Variants in ARHGEF38 observed in about 807,000 individuals in gnomAD.
ARHGEF38 encodes the protein Rho guanine nucleotide exchange factor 38.
A neutral mutation model predicts 79.9 loss-of-function variants in ARHGEF38; 79 were observed. That is an observed-to-expected ratio of 0.99 (90% CI 0.82 to 1.19). The LOEUF (loss-of-function observed/expected upper bound fraction) is 1.19. Among genes scored for constraint, ARHGEF38 ranks in the 50% most tolerant of loss-of-function variants. The pLI is 0.00. For synonymous variants in ARHGEF38, 366 were observed against 328.3 expected (o/e 1.11, Z -1.24); for missense variants, 962 against 907.2 (o/e 1.06, Z -0.78).
intron 2 of ARHGEF38, among the ~76,000 whole-genome samples, chr4:105,601,411 A>G (rs1359014837): frequency 6.6e-6 from 1 of 152,160 alleles, no homozygotes; most frequent in Non-Finnish European, 1.5e-5. Context: ...AGAGCCTGAT[A>G]AAAGGATTTT....
chr4:105,642,373 A>G (rs1355420796), intron 5 of ARHGEF38, among the ~76,000 whole-genome samples: 3 of 152,236 alleles, frequency 2.0e-5, no homozygotes, highest in Non-Finnish European at 4.4e-5. Context: ...TGACTTTTTT[A>G]GGAGAAACAA....
chr4:105,591,645 A>T lies in ARHGEF38; in HGVS notation c.384+2210A>T, dbSNP rs137986692. Among the ~76,000 whole-genome samples the T allele has an allele frequency of 1.0e-4, 16 of 152,382 alleles. No individual in the cohort carries two copies. The East Asian group carries it at 3.1e-3, about 29-fold the overall frequency. On this transcript the variant is annotated intron_variant, in intron 2 of 13. Transcript: ENST00000420470. Reference sequence around the variant, plus strand: ...TCTAAGACAATGTATAAAGAGGAGTAGCAAAGAAGGCATGGAAGCCTTTTC... The same window carrying T: ...TCTAAGACAATGTATAAAGAGGAGTTGCAAAGAAGGCATGGAAGCCTTTTC...
intron 1 of ARHGEF38, among the ~76,000 whole-genome samples, chr4:105,579,466 T>C (rs1726670738): frequency 6.6e-6 from 1 of 152,208 alleles, no homozygotes; most frequent in Admixed American, 6.5e-5. Context: ...ATCAAAAGCC[T>C]TTTCTGCATC....
At chr4:105,590,376 A>T (rs1354003597) in intron 2 of ARHGEF38, among the ~76,000 whole-genome samples, 1 of 152,188 alleles carries the variant, frequency 6.6e-6, no homozygotes, top group Non-Finnish European at 1.5e-5. Flanking sequence ...AGAAGCTAGA[A>T]AGTGAAAATG....
chr4:105,577,770 G>A (rs548017400), intron 1 of ARHGEF38, among the ~76,000 whole-genome samples: 1 of 152,202 alleles, frequency 6.6e-6, no homozygotes. Flanking sequence ...GGTGTCAGTT[G>A]TAATGTCTCA....
At chr4:105,637,463 G>T (rs1729444800) in intron 5 of ARHGEF38, among the ~76,000 whole-genome samples, 1 of 152,030 alleles carries the variant, frequency 6.6e-6, no homozygotes, top group East Asian at 1.9e-4. Context: ...AGTATAAACA[G>T]ATATGAGTAG....
chr4:105,674,734 T>C (rs1731061742), intron 13 of ARHGEF38, among the ~76,000 whole-genome samples: 1 of 152,120 alleles, frequency 6.6e-6, no homozygotes, highest in Admixed American at 6.6e-5. Flanking sequence ...TATATAATTT[T>C]GTACTTTAAA....
intron 1 of ARHGEF38, among the ~76,000 whole-genome samples, chr4:105,577,225 A>T (rs1410321198): frequency 6.8e-5 from 10 of 146,620 alleles, no homozygotes; most frequent in Non-Finnish European, 3.0e-5. Context: ...AGCATTAGGT[A>T]TATCTCCTAA....
At chr4:105,582,095 G>T (rs1161273149) in intron 1 of ARHGEF38, among the ~76,000 whole-genome samples, 1 of 148,908 alleles carries the variant, frequency 6.7e-6, no homozygotes, top group Non-Finnish European at 1.5e-5. Context: ...AACCAAGGAG[G>T]TGGAGGTTAC....
chr4:105,665,270 GGATCATGA>G (rs1730706917), intron 10 of ARHGEF38, among the ~76,000 whole-genome samples: 1 of 151,960 alleles, frequency 6.6e-6, no homozygotes, highest in African/African-American at 2.4e-5. Context: ...CGAGGCGGGC[GGATCATGA>G]GATCAGGAGA....
rs1730219407 is a variant in ARHGEF38, at chr4:105,654,008, A to G, written c.1009-57A>G. The stretch of plus-strand genomic sequence containing the variant: ...GTGCTGGACCAATATGGTCTGTGCT[A>G]TTTTAAAAAATATCTGTTTCATTTG... On this transcript the variant is annotated intron_variant, in intron 7 of 13. Transcript: ENST00000420470. 3 of 1,040,354 alleles carry G rather than the reference A, an allele frequency of 2.9e-6. No individual in the cohort carries two copies. The Admixed American group carries it at 7.5e-5, about 26-fold the overall frequency. The allele number at this position is 1,040,354 out of a possible 1,614,324, so 64.4% of individuals were successfully genotyped here. A position where few individuals can be genotyped will look rare whatever the true frequency, so the allele number is the denominator to read the frequency against.
At chr4:105,667,085 A>G in intron 11 of ARHGEF38, 44 bp from the exon 12 acceptor site, 2 of 1,434,890 alleles carry the variant, frequency 1.4e-6, no homozygotes, top group African/African-American at 1.4e-5. Flanking sequence ...TGAGGATTTT[A>G]TTATGTATCT....
intron 3 of ARHGEF38, among the ~76,000 whole-genome samples, chr4:105,618,620 C>T (rs1031518937): frequency 6.6e-6 from 1 of 151,022 alleles, no homozygotes; most frequent in Non-Finnish European, 1.5e-5. Flanking sequence ...GACTCCATCT[C>T]AAAAAAAAGA....
chr4:105,607,349 C>A lies in ARHGEF38; in HGVS notation c.385-6035C>A, dbSNP rs145649048. Among the ~76,000 whole-genome samples, 137 of 152,150 alleles carry A rather than the reference C, an allele frequency of 9.0e-4. 3 individuals carry two copies. The East Asian group carries it at 0.026, about 28-fold the overall frequency. On this transcript the variant is annotated intron_variant, in intron 2 of 13. Coordinates refer to ENST00000420470, the MANE Select transcript of ARHGEF38 (RefSeq NM_001242729.2). ...TTTTGATCTTTGCATGCTTATTATT[C>A]AGAGCCTAGTGAATTGATTACAAAG...
chr4:105,572,807 C>A (rs1350905305), intron 1 of ARHGEF38, among the ~76,000 whole-genome samples: 2 of 152,124 alleles, frequency 1.3e-5, no homozygotes, highest in Non-Finnish European at 2.9e-5. Context: ...ACTTGGGTTG[C>A]TTCCATGCTT....
At chr4:105,555,318 A>C (rs2110385398) in intron 1 of ARHGEF38, among the ~76,000 whole-genome samples, 1 of 152,294 alleles carries the variant, frequency 6.6e-6, no homozygotes, top group Middle Eastern at 3.4e-3. Flanking sequence ...CGTAACCCTT[A>C]AAAGAATCCA....
Position 105,581,436 on chromosome 4 carries a change from A to G in ARHGEF38, c.197-7812A>G, listed in dbSNP as rs1336171691. 2.0e-5 allele frequency among the ~76,000 whole-genome samples: 3 copies of G among 152,138 alleles called. No individual in the cohort carries two copies. The East Asian group carries it at 5.8e-4, about 29-fold the overall frequency. ...TAGTAAACATTAGTTGAACCTTCTT[A>G]TTCAATCCTCAACATCTCCTAACCT... On this transcript the variant is annotated intron_variant, in intron 1 of 13. Coordinates refer to ENST00000420470, the MANE Select transcript of ARHGEF38 (RefSeq NM_001242729.2).
At chr4:105,655,496 C>T in intron 8 of ARHGEF38, 107 bp from the exon 9 acceptor site, 2 of 1,135,770 alleles carry the variant, frequency 1.8e-6, no homozygotes, top group East Asian at 2.6e-5. Context: ...TTTAAATAAC[C>T]TCTCAGTGAT....
At chr4:105,560,458 C>T (rs1387420158) in intron 1 of ARHGEF38, among the ~76,000 whole-genome samples, 1 of 152,092 alleles carries the variant, frequency 6.6e-6, no homozygotes, top group Non-Finnish European at 1.5e-5. Flanking sequence ...GGAGGGAATA[C>T]ATTTGCAAAT....
Sources: gnomAD v4.1 joint callset for allele counts (sites outside exome capture counted in the v4.1 genomes callset) on GRCh38, gnomAD v4.1.1 for gene constraint, MANE v1.5 for transcripts, NCBI Gene and HGNC (gene_info 2026-07-23, HGNC 2026-07-21) for gene names.